Variants in CAMK4 observed in about 807,000 individuals in gnomAD.
The protein encoded by CAMK4 is calcium/calmodulin-dependent protein kinase type IV.
In CAMK4, 22 loss-of-function variants were observed where a neutral mutation model predicts 44.9. The ratio of observed to expected loss-of-function variants is 0.49; its 90% CI spans 0.35 to 0.70. The LOEUF is 0.70. Ranked by LOEUF, CAMK4 falls within the 30% of genes least tolerant of loss-of-function variation. CAMK4 has a pLI of 0.01. For missense variants in CAMK4, 498 were observed against 586.8 expected (o/e 0.85, Z 1.56); for synonymous variants, 218 against 215.4 (o/e 1.01, Z -0.11).
chr5:111,438,315 A>C (rs979264571), intron 5 of CAMK4, among the ~76,000 whole-genome samples: 1 of 152,228 alleles, frequency 6.6e-6, no homozygotes, highest in African/African-American at 2.4e-5. Flanking sequence ...ACTGTCATGG[A>C]ATGACCTTTA....
chr5:111,269,503 GC>G (rs1561375113), intron 1 of CAMK4, among the ~76,000 whole-genome samples: 1 of 152,144 alleles, frequency 6.6e-6, no homozygotes, highest in Non-Finnish European at 1.5e-5. Flanking sequence ...TCCTTGCTGT[GC>G]AGTGGCTGGT....
intron 1 of CAMK4, among the ~76,000 whole-genome samples, chr5:111,330,053 T>A (rs1749093206): frequency 7.0e-6 from 1 of 142,968 alleles, no homozygotes; most frequent in Admixed American, 6.9e-5. Context: ...ATAAAACATA[T>A]TTTTTTTGGT....
At chr5:111,342,123 C>T (rs1749671971) in intron 1 of CAMK4, among the ~76,000 whole-genome samples, 3 of 151,046 alleles carry the variant, frequency 2.0e-5, no homozygotes, top group African/African-American at 7.3e-5. Flanking sequence ...TTCTAAATGT[C>T]ACTTAGTATA....
chr5:111,407,368 A>T (rs1010681375), intron 5 of CAMK4, among the ~76,000 whole-genome samples: 1 of 151,296 alleles, frequency 6.6e-6, no homozygotes, highest in African/African-American at 2.4e-5. Context: ...AAAAGAAAAG[A>T]AAAACACAAA....
chr5:111,232,150 G>A (rs558488621), intron 1 of CAMK4, among the ~76,000 whole-genome samples: 2 of 152,264 alleles, frequency 1.3e-5, no homozygotes, highest in South Asian at 4.2e-4. Context: ...CAGTGTGCAT[G>A]TGGTGGGGTA....
intron 4 of CAMK4, among the ~76,000 whole-genome samples, chr5:111,377,210 A>C (rs1406339271): frequency 6.6e-6 from 1 of 152,128 alleles, no homozygotes; most frequent in Non-Finnish European, 1.5e-5. Flanking sequence ...CAATAAAAAG[A>C]TAGAATGTCT....
In CAMK4 at chr5:111,491,935, A is replaced by G. The variant is rs1323302682; in HGVS notation, c.*7469A>G. The G allele has an allele frequency of 6.6e-6, 1 of 152,212 alleles. No homozygotes were observed. Among genetic ancestry groups the G allele is most frequent in the Non-Finnish European group, 1.5e-5 (1 of 68,030 alleles). 9.4% of individuals were successfully genotyped at this position (152,212 alleles called of 1,614,324 possible). A position where few individuals can be genotyped will look rare whatever the true frequency, so the allele number is the denominator to read the frequency against. ...CTCAACAATAGCTCAGGGAATACGC[A>G]AACAGCCAGCTCTTTTATGTAAGAA... On this transcript the variant is annotated 3_prime_UTR_variant, in exon 11 of 11. Coordinates refer to ENST00000282356, the MANE Select transcript of CAMK4 (RefSeq NM_001744.6).
chr5:111,433,960 G>T (rs1254044192), intron 5 of CAMK4, among the ~76,000 whole-genome samples: 2 of 152,144 alleles, frequency 1.3e-5, no homozygotes, highest in Non-Finnish European at 2.9e-5. Flanking sequence ...GATTTAGAAA[G>T]ATGACCTGGT....
chr5:111,467,197 G>T lies in CAMK4; in HGVS notation c.626-6114G>T, dbSNP rs1580792130. Reference sequence around the variant, plus strand: ...ATACAAAAATCAACTCAAGATGGAAGAAGGACTTAAATCTAAGACCTAACA... The same window carrying T: ...ATACAAAAATCAACTCAAGATGGAATAAGGACTTAAATCTAAGACCTAACA... On this transcript the variant is annotated intron_variant, in intron 7 of 10. Transcript: ENST00000282356. 2.0e-5 allele frequency among the ~76,000 whole-genome samples: 3 copies of T among 152,050 alleles called. 1 individual carries two copies. The South Asian group carries it at 6.2e-4, about 32-fold the overall frequency.
intron 7 of CAMK4, among the ~76,000 whole-genome samples, chr5:111,472,651 G>T (rs1755105239): frequency 6.6e-6 from 1 of 152,136 alleles, no homozygotes; most frequent in Admixed American, 6.6e-5. Flanking sequence ...ACAACAGCGG[G>T]CAGAACTAAT....
intron 5 of CAMK4, among the ~76,000 whole-genome samples, chr5:111,440,849 A>G (rs970507862): frequency 4.6e-5 from 7 of 152,232 alleles, no homozygotes; most frequent in Non-Finnish European, 1.0e-4. Flanking sequence ...CCAAGTCTCA[A>G]AGGATTGCTC....
chr5:111,436,079 T>C (rs1753635704), intron 5 of CAMK4, among the ~76,000 whole-genome samples: 1 of 152,210 alleles, frequency 6.6e-6, no homozygotes, highest in Non-Finnish European at 1.5e-5. Context: ...TTAAAAATAA[T>C]AACCATTCAC....
intron 5 of CAMK4, among the ~76,000 whole-genome samples, chr5:111,431,961 T>A (rs569286705): frequency 9.2e-5 from 14 of 152,166 alleles, no homozygotes; most frequent in African/African-American, 3.4e-4. Context: ...CTCAAAAAAC[T>A]AAAAATTGAG....
intron 1 of CAMK4, among the ~76,000 whole-genome samples, chr5:111,238,808 CTTTTTTTTTTTTTTTTT>C (rs57552178): frequency 4.1e-4 from 19 of 45,940 alleles, no homozygotes; most frequent in African/African-American, 1.0e-3. Flanking sequence ...AGAGGCTCTT[CTTTTTTTTTTTTTTTTT>C]TTTTTTTTTT....
At chr5:111,430,844 G>C (rs1316312511) in intron 5 of CAMK4, among the ~76,000 whole-genome samples, 1 of 151,866 alleles carries the variant, frequency 6.6e-6, no homozygotes, top group East Asian at 1.9e-4. Context: ...TCATGGGTTC[G>C]AAGAATCGGT....
At chr5:111,367,498 T>A (rs538888602) in intron 2 of CAMK4, among the ~76,000 whole-genome samples, 1 of 152,220 alleles carries the variant, frequency 6.6e-6, no homozygotes, top group East Asian at 1.9e-4. Flanking sequence ...GCACTGTGAT[T>A]GGACAAAACT....
At chr5:111,265,897 G>A (rs989109203) in intron 1 of CAMK4, 25 of 152,180 alleles carry the variant, frequency 1.6e-4, no homozygotes, top group African/African-American at 5.8e-4. Context: ...AAGGAAATGA[G>A]TTTTCCAGTT....
In CAMK4 at chr5:111,314,353, C is replaced by G. The variant is rs184387579; in HGVS notation, c.162-29671C>G. Among the ~76,000 whole-genome samples, 671 of 152,092 alleles carry G rather than the reference C, an allele frequency of 4.4e-3. 35 individuals carry two copies. The East Asian group carries it at 0.11, about 26-fold the overall frequency. ...GGAAAGTCATGTTTTAATACAGTTC[C>G]AACATTTTTGCAATCATGGATCTGC... On this transcript the variant is annotated intron_variant, in intron 1 of 10. Coordinates refer to ENST00000282356, the MANE Select transcript of CAMK4 (RefSeq NM_001744.6).
chr5:111,270,354 A>G (rs927259861), intron 1 of CAMK4, among the ~76,000 whole-genome samples: 1 of 152,090 alleles, frequency 6.6e-6, no homozygotes, highest in Non-Finnish European at 1.5e-5. Flanking sequence ...CCTCTCACAC[A>G]TTCAACAACT....
Sources: allele counts gnomAD v4.1 joint callset (sites outside exome capture counted in the v4.1 genomes callset), GRCh38; gene constraint gnomAD v4.1.1; transcripts MANE v1.5; gene names NCBI Gene and HGNC (gene_info 2026-07-23, HGNC 2026-07-21).